SEMA3D: variants seen among roughly 807,000 people sequenced by gnomAD.
SEMA3D encodes the protein semaphorin-3D.
Under a neutral mutation model 100.1 loss-of-function variants are expected in SEMA3D, and 84 were observed. That is an observed-to-expected ratio of 0.84 (90% CI 0.70 to 1.01). The LOEUF is 1.01. Ranked by LOEUF, SEMA3D falls within the 50% of genes least tolerant of loss-of-function variation. The pLI, the probability that SEMA3D is intolerant of heterozygous loss-of-function variation, is 0.00. For synonymous variants in SEMA3D, 312 were observed against 320.7 expected, an observed-to-expected ratio of 0.97 and a Z score of 0.29; for missense variants, 875 against 934.1, an observed-to-expected ratio of 0.94 and a Z score of 0.82.
At chr7:85,117,899 A>G (rs1789292190) in intron 3 of SEMA3D, among the ~76,000 whole-genome samples, 1 of 151,084 alleles carries the variant, frequency 6.6e-6, no homozygotes, top group Non-Finnish European at 1.5e-5. Flanking sequence ...AGATATATAT[A>G]GATATAAATA....
At chr7:85,094,459 T>C (rs1402033232) in intron 4 of SEMA3D, among the ~76,000 whole-genome samples, 1 of 151,998 alleles carries the variant, frequency 6.6e-6, no homozygotes, top group Non-Finnish European at 1.5e-5. Flanking sequence ...CAGCTTGGCC[T>C]GTCAGCTGAG....
chr7:85,212,779 G>T, the SEMA3D span, among the ~76,000 whole-genome samples: 1 of 151,856 alleles, frequency 6.6e-6, no homozygotes, highest in African/African-American at 2.4e-5. Context: ...TTCAAATAAT[G>T]AACTATTTAC....
Position 85,055,846 on chromosome 7 carries a change from A to C in SEMA3D, c.732T>G (p.Ile244Met). 6.4e-7 allele frequency: 1 copy of C among 1,558,436 alleles called. No homozygotes were observed. Among genetic ancestry groups the C allele is most frequent in the Non-Finnish European group, 8.8e-7 (1 of 1,141,800 alleles). ...EHYWLNGAKF[I>M]GTFFIPDTYN... ...AGGTGTCTGGTATGAAGAAAGTTCC[A>C]ATAAATTTTGCTCCTGTTTGAAAGA... The change falls in exon 9 of 19, where the codon ATT becomes ATG. Residue 244 changes from isoleucine (I) to methionine (M), a missense_variant. Coordinates refer to ENST00000284136, the MANE Select transcript of SEMA3D (RefSeq NM_001384900.1).
chr7:85,158,831 G>A (rs189106519), intron 1 of SEMA3D, among the ~76,000 whole-genome samples: 1 of 151,972 alleles, frequency 6.6e-6, no homozygotes, highest in Admixed American at 6.6e-5. Flanking sequence ...CAACACTTAG[G>A]GAAAATAGAA....
At chr7:85,125,970 C>CA (rs897665039) in intron 2 of SEMA3D, among the ~76,000 whole-genome samples, 2 of 152,050 alleles carry the variant, frequency 1.3e-5, no homozygotes, top group African/African-American at 4.8e-5. Flanking sequence ...TAATCTATTC[C>CA]AGATGCTCCC....
intron 1 of SEMA3D, among the ~76,000 whole-genome samples, chr7:85,179,817 G>A (rs938933063): frequency 1.3e-4 from 19 of 151,882 alleles, no homozygotes; most frequent in African/African-American, 4.4e-4. Flanking sequence ...GCCCGCCACT[G>A]TGCCTGGCTA....
chr7:85,249,417 A>C, the SEMA3D span, among the ~76,000 whole-genome samples: 1 of 152,192 alleles, frequency 6.6e-6, no homozygotes, highest in Non-Finnish European at 1.5e-5. Flanking sequence ...GACAGTAGGA[A>C]AAACTAAGAA....
intron 9 of SEMA3D, among the ~76,000 whole-genome samples, chr7:85,049,152 A>G (rs1022575056): frequency 2.6e-5 from 4 of 151,704 alleles, no homozygotes; most frequent in Admixed American, 2.0e-4. Flanking sequence ...TCAAACATCT[A>G]AGGCAAAGGA....
At chr7:85,174,580 C>T (rs866926631) in intron 1 of SEMA3D, among the ~76,000 whole-genome samples, 2 of 152,218 alleles carry the variant, frequency 1.3e-5, no homozygotes, top group Middle Eastern at 3.4e-3. Context: ...AAAAAGATAC[C>T]TAGGTAACAA....
chr7:85,164,161 C>T (rs1583981844), intron 1 of SEMA3D, among the ~76,000 whole-genome samples: 1 of 152,152 alleles, frequency 6.6e-6, no homozygotes, highest in East Asian at 1.9e-4. Flanking sequence ...GAATAAAGGT[C>T]TATTTGAGCA....
the SEMA3D span, among the ~76,000 whole-genome samples, chr7:85,225,405 T>C: frequency 6.6e-6 from 1 of 151,186 alleles, no homozygotes; most frequent in Non-Finnish European, 1.5e-5. Flanking sequence ...AGGTACACAC[T>C]CACTTGGAGA....
At chr7:85,088,834 G>T (rs1251072123) in intron 4 of SEMA3D, among the ~76,000 whole-genome samples, 1 of 152,124 alleles carries the variant, frequency 6.6e-6, no homozygotes, top group African/African-American at 2.4e-5. Flanking sequence ...AAAGTCTAAA[G>T]TGGTCTTTTC....
rs575227133 is a variant in SEMA3D, at chr7:85,029,519, A to G, written c.1192-6906T>C. The G allele has an allele frequency of 6.2e-4, 382 of 614,292 alleles. 1 individual carries two copies. The highest frequency in any genetic ancestry group is 9.3e-4 in the Non-Finnish European group (305 of 326,966). The allele number at this position is 614,292 out of a possible 1,614,324, so 38.1% of individuals were successfully genotyped here. On this transcript the variant is annotated intron_variant, in intron 12 of 18. Transcript: ENST00000284136. ...TGGCTCGACAAGAATCAGACTGCAG[A>G]GAAGGAAGAATTTGAACATGCACAG...
chr7:85,102,817 A>C (rs569845665), intron 3 of SEMA3D, among the ~76,000 whole-genome samples: 11 of 151,988 alleles, frequency 7.2e-5, no homozygotes, highest in Non-Finnish European at 1.3e-4. Flanking sequence ...AAAAATAAAT[A>C]TAAAGTTGAT....
At chr7:85,198,175 C>G in the SEMA3D span, among the ~76,000 whole-genome samples, 4 of 152,122 alleles carry the variant, frequency 2.6e-5, no homozygotes, top group Admixed American at 2.6e-4. Flanking sequence ...TCCATTTCTT[C>G]AAGTTTCCTT....
intron 2 of SEMA3D, among the ~76,000 whole-genome samples, chr7:85,134,591 C>T (rs954902327): frequency 6.6e-6 from 1 of 151,976 alleles, no homozygotes; most frequent in African/African-American, 2.4e-5. Flanking sequence ...ACTACCGAAA[C>T]ATGTACTTTT....
intron 1 of SEMA3D, among the ~76,000 whole-genome samples, chr7:85,166,938 C>T (rs947896349): frequency 1.3e-5 from 2 of 152,006 alleles, no homozygotes; most frequent in Non-Finnish European, 2.9e-5. Flanking sequence ...ATAGCCAAAG[C>T]AACTGATCAG....
chr7:85,028,254 G>T, intron 12 of SEMA3D: 1 of 693,086 alleles, frequency 1.4e-6, no homozygotes, highest in Non-Finnish European at 2.6e-6. Flanking sequence ...CCAATGCTGT[G>T]GTCACAGTGC....
chr7:85,150,687 T>A (rs564743418), intron 2 of SEMA3D, among the ~76,000 whole-genome samples: 21 of 152,034 alleles, frequency 1.4e-4, no homozygotes, highest in Middle Eastern at 6.9e-3. Flanking sequence ...TTCTAGCTTT[T>A]GCTACATTTA....
Sources: gnomAD v4.1 joint callset for allele counts (sites outside exome capture counted in the v4.1 genomes callset) on GRCh38, gnomAD v4.1.1 for gene constraint, MANE v1.5 for transcripts, NCBI Gene and HGNC (gene_info 2026-07-23, HGNC 2026-07-21) for gene names.